Variants in GSE1 observed in about 807,000 individuals in gnomAD.
GSE1 encodes genetic suppressor element 1.
In GSE1, 32 loss-of-function variants were observed where a neutral mutation model predicts 112.6. The observed-to-expected ratio is 0.28, with a 90% CI of 0.21 to 0.38. GSE1 has a LOEUF of 0.38. Ranked by LOEUF, GSE1 falls within the 10% of genes least tolerant of loss-of-function variation. GSE1 has a pLI of 1.00. For synonymous variants in GSE1, 1,115 were observed against 735.6 expected, an observed-to-expected ratio of 1.52 and a Z score of -8.35; for missense variants, 2,348 against 1,699.2, an observed-to-expected ratio of 1.38 and a Z score of -6.71.
chr16:85,652,066 G>C (rs1033868700), intron 3 of GSE1, among the ~76,000 whole-genome samples: 2 of 152,220 alleles, frequency 1.3e-5, no homozygotes, highest in Non-Finnish European at 2.9e-5. Flanking sequence ...AGGCAGGCCA[G>C]CCTGGCAACA....
chr16:85,602,122 A>T (rs923094856), intron 1 of GSE1, among the ~76,000 whole-genome samples: 1 of 152,202 alleles, frequency 6.6e-6, no homozygotes, highest in Non-Finnish European at 1.5e-5. Flanking sequence ...TGCAGCAAGG[A>T]TGAAGGCAGA....
At position 85,340,828 on chromosome 16, in the gene GSE1, G is replaced by A. The variant is rs1471271778; in HGVS notation, c.2284-16635G>A. ...CTGCAGGTGGCTGGGAGGGTGGGACGGTGCGAGGGTGGGCTGGAGCCCTGA... is the reference window on the plus strand; with the variant it reads ...CTGCAGGTGGCTGGGAGGGTGGGACAGTGCGAGGGTGGGCTGGAGCCCTGA... On this transcript the variant is annotated intron_variant, in intron 1 of 2. Transcript: ENST00000637419. 6.6e-5 allele frequency among the ~76,000 whole-genome samples: 10 copies of A among 152,264 alleles called. No individual in the cohort carries two copies. The East Asian group carries it at 9.7e-4, about 15-fold the overall frequency.
chr16:85,462,121 A>G (rs1171700105), intron 2 of GSE1, among the ~76,000 whole-genome samples: 1 of 152,032 alleles, frequency 6.6e-6, no homozygotes, highest in Non-Finnish European at 1.5e-5. Flanking sequence ...TGGGCACCGG[A>G]GCTACACACA....
chr16:85,202,120 CCT>C (rs751774241), intron 1 of GSE1, among the ~76,000 whole-genome samples: 2 of 152,190 alleles, frequency 1.3e-5, no homozygotes, highest in South Asian at 2.1e-4. Flanking sequence ...GAAGTGCTCC[CCT>C]GTTAGGCCCC....
At chr16:85,377,900 G>T (rs773271892) in intron 2 of GSE1, among the ~76,000 whole-genome samples, 13 of 152,274 alleles carry the variant, frequency 8.5e-5, no homozygotes, top group Non-Finnish European at 1.6e-4. Flanking sequence ...CTGGTACAGG[G>T]GAAACCGCAG....
At chr16:85,480,593 C>T (rs1471164629) in intron 2 of GSE1, among the ~76,000 whole-genome samples, 3 of 152,168 alleles carry the variant, frequency 2.0e-5, no homozygotes, top group Non-Finnish European at 1.5e-5. Flanking sequence ...AATCACATGG[C>T]CCATCGGACC....
intron 1 of GSE1, among the ~76,000 whole-genome samples, chr16:85,627,043 C>A (rs1279159038): frequency 2.4e-4 from 7 of 28,684 alleles, no homozygotes; most frequent in East Asian, 1.3e-3. Context: ...TTTCTTCTTG[C>A]CTTTTTTTTT....
chr16:85,303,252 C>T (rs1454503183), intron 1 of GSE1, among the ~76,000 whole-genome samples: 2 of 152,240 alleles, frequency 1.3e-5, no homozygotes, highest in Non-Finnish European at 2.9e-5. Context: ...GCCGCGGTCA[C>T]TCTGGTTGGG....
intron 1 of GSE1, among the ~76,000 whole-genome samples, chr16:85,556,910 G>C (rs767182236): frequency 4.6e-5 from 7 of 151,998 alleles, no homozygotes; most frequent in Admixed American, 4.6e-4. Flanking sequence ...GGAGGGGGCC[G>C]GGGAAGCTCA....
At chr16:85,575,509 C>G (rs529266051) in intron 1 of GSE1, among the ~76,000 whole-genome samples, 2 of 152,272 alleles carry the variant, frequency 1.3e-5, no homozygotes, top group South Asian at 4.1e-4. Flanking sequence ...CTTTTCTGAT[C>G]TCCTCCTTGG....
chr16:85,629,022 G>A (rs982658771), intron 1 of GSE1, among the ~76,000 whole-genome samples: 30 of 152,168 alleles, frequency 2.0e-4, no homozygotes, highest in African/African-American at 6.8e-4. Context: ...TGGTGAGCAC[G>A]CTCTCGCAAG....
chr16:85,491,493 C>T lies in GSE1; in HGVS notation c.2464+133850C>T, dbSNP rs2051008071. ...TGAGAAGGTGATATGTGCCAGATGA[C>T]TTGGGGGGCCAGGGTGTGAGCTCAG... On this transcript the variant is annotated intron_variant, in intron 2 of 2. Transcript: ENST00000637419. Among the ~76,000 whole-genome samples the T allele has an allele frequency of 2.6e-5, 4 of 152,224 alleles. No individual in the cohort carries two copies. In the East Asian group the frequency reaches 7.7e-4, roughly 29 times the overall value.
chr16:85,491,104 G>A (rs1186950820), intron 2 of GSE1, among the ~76,000 whole-genome samples: 2 of 152,206 alleles, frequency 1.3e-5, no homozygotes, highest in South Asian at 4.1e-4. Context: ...GGCCCCCCAA[G>A]CCCTGTCGCA....
intron 1 of GSE1, among the ~76,000 whole-genome samples, chr16:85,616,022 C>G (rs1419346309): frequency 1.3e-5 from 2 of 152,252 alleles, no homozygotes; most frequent in Non-Finnish European, 2.9e-5. Flanking sequence ...GGGGGAAGTT[C>G]AGGGGCTGCA....
chr16:85,197,614 C>A (rs1202461217), intron 1 of GSE1, among the ~76,000 whole-genome samples: 1 of 152,182 alleles, frequency 6.6e-6, no homozygotes, highest in African/African-American at 2.4e-5. Flanking sequence ...AGAGCGCTGG[C>A]CTCTCTGCAG....
Position 85,673,422 on chromosome 16 carries a change from TTTTTG to T in GSE1, c.*887_*891del, listed in dbSNP as rs1277192758. 1 of 152,176 alleles carries T rather than the reference TTTTTG, an allele frequency of 6.6e-6. No homozygotes were observed. Among genetic ancestry groups the T allele is most frequent in the Non-Finnish European group, 1.5e-5 (1 of 67,970 alleles). The allele number at this position is 152,176 out of a possible 1,614,324, so 9.4% of individuals were successfully genotyped here. On this transcript the variant is annotated 3_prime_UTR_variant, in exon 16 of 16. Transcript: ENST00000253458. The stretch of plus-strand genomic sequence containing the variant: ...CATTTTTAATATGTGGTTTGGGGGA[TTTTTG>T]TTTGTTTTTCCTGTTTGGGGGTTTT...
At chr16:85,238,441 G>C (rs563871581) in intron 1 of GSE1, among the ~76,000 whole-genome samples, 1 of 152,218 alleles carries the variant, frequency 6.6e-6, no homozygotes, top group Admixed American at 6.5e-5. Flanking sequence ...CTGCAGTTTC[G>C]TCAGCCCTTG....
At chr16:85,590,431 G>A (rs540542609) in intron 1 of GSE1, among the ~76,000 whole-genome samples, 1 of 152,052 alleles carries the variant, frequency 6.6e-6, no homozygotes, top group African/African-American at 2.4e-5. Context: ...GCCCGCGTGT[G>A]AATGAGTGTG....
intron 1 of GSE1, among the ~76,000 whole-genome samples, chr16:85,215,741 A>G (rs1597818858): frequency 6.6e-6 from 1 of 152,132 alleles, no homozygotes; most frequent in East Asian, 1.9e-4. Flanking sequence ...CACTGCTTTC[A>G]GAGCACACAT....
Sources: allele counts gnomAD v4.1 joint callset (sites outside exome capture counted in the v4.1 genomes callset), GRCh38; gene constraint gnomAD v4.1.1; transcripts MANE v1.5; gene names NCBI Gene and HGNC (gene_info 2026-07-23, HGNC 2026-07-21).